The following SGCD variants were observed in gnomAD, a reference collection of about 807,000 sequenced individuals.
SGCD encodes the protein delta-sarcoglycan.
SGCD carries 18 observed loss-of-function variants against 36.6 expected under a neutral mutation model. The ratio of observed to expected loss-of-function variants is 0.49; its 90% confidence interval spans 0.34 to 0.73. SGCD has a LOEUF of 0.73. SGCD is among the 30% of genes least tolerant of loss of function. The pLI, the probability that SGCD is intolerant of heterozygous loss-of-function variation, is 0.01. For missense variants in SGCD, 387 were observed against 346.7 expected, an observed-to-expected ratio of 1.12 and a Z score of -0.92; for synonymous variants, 133 against 130.6, an observed-to-expected ratio of 1.02 and a Z score of -0.12.
At chr5:156,753,224 C>A (rs2113153919) in intron 7 of SGCD, among the ~76,000 whole-genome samples, 1 of 152,334 alleles carries the variant, frequency 6.6e-6, no homozygotes, top group Middle Eastern at 3.4e-3. Flanking sequence ...TATGGCACAG[C>A]CTGGCCCGGC....
At chr5:156,022,538 A>T (rs889791925) in intron 1 of SGCD, among the ~76,000 whole-genome samples, 7 of 152,214 alleles carry the variant, frequency 4.6e-5, no homozygotes, top group African/African-American at 1.2e-4. Flanking sequence ...TGAAAACATA[A>T]CACATTTTAT....
intron 7 of SGCD, among the ~76,000 whole-genome samples, chr5:156,739,107 C>T (rs1008047845): frequency 6.6e-5 from 10 of 152,092 alleles, no homozygotes; most frequent in African/African-American, 2.4e-4. Flanking sequence ...CAAAATATGG[C>T]CCTAGCATCA....
intron 1 of SGCD, 120 bp from the exon 2 acceptor site, chr5:156,329,414 C>T: frequency 1.4e-6 from 1 of 727,658 alleles, no homozygotes; most frequent in South Asian, 1.8e-5. Context: ...GCCCTGCCTT[C>T]TGGAAGTAAT....
At chr5:156,383,466 T>C (rs1771106876) in intron 3 of SGCD, among the ~76,000 whole-genome samples, 1 of 151,984 alleles carries the variant, frequency 6.6e-6, no homozygotes, top group Admixed American at 6.6e-5. Flanking sequence ...ATCGCGCCAC[T>C]GCATTCCAGC....
the SGCD span, among the ~76,000 whole-genome samples, chr5:155,828,251 T>A: frequency 1.3e-5 from 2 of 152,090 alleles, no homozygotes; most frequent in Admixed American, 1.3e-4. Flanking sequence ...ACCCTCACAA[T>A]AATGCCACAA....
In SGCD at chr5:156,406,819, TACACACACAC is replaced by T. The variant is rs58920671; in HGVS notation, c.192+62156_192+62165del. Among the ~76,000 whole-genome samples the T allele has an allele frequency of 1.1e-3, 115 of 104,062 alleles. 2 individuals are homozygous for T. The highest frequency in any genetic ancestry group is 4.1e-3 in the African/African-American group (107 of 26,014). 68.3% of individuals were successfully genotyped at this position (104,062 alleles called of 152,430 possible). A position where few individuals can be genotyped will look rare whatever the true frequency, so the allele number is the denominator to read the frequency against. On this transcript the variant is annotated intron_variant, in intron 3 of 8. Transcript: ENST00000337851. ...ATATATATATATATATATATATATA[TACACACACAC>T]ACACACACACACATATATATGTGTA... is the stretch of plus-strand genomic sequence containing the variant.
At chr5:156,515,684 G>T (rs907577711) in intron 4 of SGCD, among the ~76,000 whole-genome samples, 5 of 152,232 alleles carry the variant, frequency 3.3e-5, no homozygotes, top group Middle Eastern at 3.2e-3. Context: ...CGCCACCAGG[G>T]TCTTGGGACC....
At chr5:156,168,066 CTT>C (rs1763255011) in intron 3 of SGCD, among the ~76,000 whole-genome samples, 1 of 152,256 alleles carries the variant, frequency 6.6e-6, no homozygotes, top group East Asian at 1.9e-4. Flanking sequence ...GACAGGAAGA[CTT>C]TGTGGAATAA....
At chr5:156,448,918 C>T (rs561473578) in intron 3 of SGCD, among the ~76,000 whole-genome samples, 1 of 151,442 alleles carries the variant, frequency 6.6e-6, no homozygotes, top group South Asian at 2.1e-4. Flanking sequence ...CCACACCCAG[C>T]TAATTTTTGT....
chr5:155,845,025 C>G, the SGCD span, among the ~76,000 whole-genome samples: 2 of 152,148 alleles, frequency 1.3e-5, no homozygotes, highest in Non-Finnish European at 2.9e-5. Flanking sequence ...TATTCCTCCC[C>G]TAGTCCCCCA....
At chr5:155,798,327 ATATAT>A in the SGCD span, among the ~76,000 whole-genome samples, 17 of 152,196 alleles carry the variant, frequency 1.1e-4, no homozygotes, top group Non-Finnish European at 2.2e-4. Flanking sequence ...GTATTTTCAA[ATATAT>A]TATAGCCACG....
At chr5:156,000,081 C>T (rs144184615) in intron 1 of SGCD, among the ~76,000 whole-genome samples, 1 of 152,336 alleles carries the variant, frequency 6.6e-6, no homozygotes, top group Non-Finnish European at 1.5e-5. Context: ...ATAGCTTCAG[C>T]CCTGGGACCT....
At chr5:156,282,659 T>C (rs1264889081) in intron 3 of SGCD, among the ~76,000 whole-genome samples, 1 of 152,154 alleles carries the variant, frequency 6.6e-6, no homozygotes, top group Non-Finnish European at 1.5e-5. Flanking sequence ...CTGGTGTGAG[T>C]GTTTTTTTTC....
chr5:156,050,529 C>T lies in SGCD; in HGVS notation c.-281-67349C>T, dbSNP rs1030940859. 1.4e-5 allele frequency among the ~76,000 whole-genome samples: 2 copies of T among 146,688 alleles called. 1 individual carries two copies. Among genetic ancestry groups the T allele is most frequent in the African/African-American group, 4.9e-5 (2 of 40,736 alleles). On this transcript the variant is annotated intron_variant, in intron 1 of 9. Coordinates refer to the SGCD transcript ENST00000517913. Reference sequence around the variant, plus strand: ...TTTATTCAGGTAGCCTGTAACTGAGCCTGCAATATCTCTGAGCTATGCTTT... The same window carrying T: ...TTTATTCAGGTAGCCTGTAACTGAGTCTGCAATATCTCTGAGCTATGCTTT...
At chr5:156,231,721 G>A (rs569450537) in intron 3 of SGCD, among the ~76,000 whole-genome samples, 79 of 152,288 alleles carry the variant, frequency 5.2e-4, no homozygotes, top group Admixed American at 1.1e-3. Context: ...TATATAGAGA[G>A]CTTGTAGGGA....
intron 3 of SGCD, among the ~76,000 whole-genome samples, chr5:156,382,478 A>C (rs1269222030): frequency 6.6e-6 from 1 of 152,194 alleles, no homozygotes; most frequent in Non-Finnish European, 1.5e-5. Context: ...GTACTTGTAA[A>C]TCGAGGCTAA....
chr5:156,594,976 A>C lies in SGCD; in HGVS notation c.427A>C (p.Thr143Pro). 3 of 1,612,424 alleles carry C rather than the reference A, an allele frequency of 1.9e-6. No homozygotes were observed. The highest frequency in any genetic ancestry group is 2.5e-6 in the Non-Finnish European group (3 of 1,178,988). Residue 143 changes from threonine (T) to proline (P), a missense_variant, in exon 6 of 9, where the codon ACT (threonine) becomes CCT (proline). Coordinates refer to ENST00000337851, the MANE Select transcript of SGCD (RefSeq NM_000337.6). ...TTATGGTAAAAAATTTGAGGTAAAA[A>C]CTGTTTCTGGAAAATTGCTCTTCTC... ...EAYGKKFEVK[T>P]VSGKLLFSAD...
chr5:156,719,018 C>G (rs1647369295), intron 7 of SGCD, among the ~76,000 whole-genome samples: 1 of 152,066 alleles, frequency 6.6e-6, no homozygotes, highest in African/African-American at 2.4e-5. Context: ...GCCCCAGGGC[C>G]ACTTTATTAG....
chr5:155,814,949 T>G, the SGCD span, among the ~76,000 whole-genome samples: 1 of 152,370 alleles, frequency 6.6e-6, no homozygotes, highest in East Asian at 1.9e-4. Flanking sequence ...GCTATTTCTA[T>G]GTTTGATCAG....
Sources: gnomAD v4.1 joint callset for allele counts (sites outside exome capture counted in the v4.1 genomes callset) on GRCh38, gnomAD v4.1.1 for gene constraint, MANE v1.5 for transcripts, NCBI Gene and HGNC (gene_info 2026-07-23, HGNC 2026-07-21) for gene names.